SLC7A9: variants seen among roughly 807,000 people sequenced by gnomAD.
The protein encoded by SLC7A9 is B(0,+)-type amino acid transporter 1.
Under a neutral mutation model 54.1 loss-of-function variants are expected in SLC7A9, and 38 were observed. That is an observed-to-expected ratio of 0.70 (90% CI 0.54 to 0.92). SLC7A9 has a LOEUF of 0.92. Among genes scored for constraint, SLC7A9 ranks in the 40% least tolerant of loss-of-function variants. The pLI is 0.00. For missense variants in SLC7A9, 537 were observed against 636.1 expected (o/e 0.84, Z 1.68); for synonymous variants, 264 against 258.9 (o/e 1.02, Z -0.19).
intron 9 of SLC7A9, 62 bp from the exon 10 acceptor site, chr19:32,844,013 G>T: frequency 7.8e-7 from 1 of 1,278,692 alleles, no homozygotes; most frequent in Non-Finnish European, 1.1e-6. Context: ...CAGGGCCACT[G>T]AGGACTTGTG....
chr19:32,846,877 A>ACAGCCACTGCTGTTCTG (rs1276286378), intron 9 of SLC7A9, among the ~76,000 whole-genome samples: 4 of 152,242 alleles, frequency 2.6e-5, no homozygotes, highest in African/African-American at 4.8e-5. Context: ...CCGCTGTTCT[A>ACAGCCACTGCTGTTCTG]CAGCCACTGC....
intron 9 of SLC7A9, among the ~76,000 whole-genome samples, chr19:32,850,583 T>C (rs373168925): frequency 0.11 from 15,773 of 149,604 alleles, 957 homozygotes; most frequent in Middle Eastern, 0.15. Flanking sequence ...GAATCAATAT[T>C]GTGAAAATGG....
chr19:32,834,272 G>T (rs1568510376), intron 11 of SLC7A9, among the ~76,000 whole-genome samples: 1 of 152,300 alleles, frequency 6.6e-6, no homozygotes, highest in African/African-American at 2.4e-5. Context: ...AGAGCCAGAC[G>T]TGGGTTTTCA....
intron 1 of SLC7A9, 23 bp downstream of exon 1, chr19:32,869,663 T>G (rs1969080566): frequency 6.6e-6 from 1 of 152,302 alleles, no homozygotes; most frequent in Non-Finnish European, 1.5e-5. Flanking sequence ...TGAGCCTTTC[T>G]ATCACCTACT....
intron 11 of SLC7A9, among the ~76,000 whole-genome samples, chr19:32,833,713 C>G (rs559672262): frequency 6.6e-6 from 1 of 151,890 alleles, no homozygotes; most frequent in Non-Finnish European, 1.5e-5. Context: ...AGGAGAGTCG[C>G]TTGAACCCAG....
chr19:32,842,191 T>G lies in SLC7A9; in HGVS notation c.1201A>C (p.Lys401Gln). 6.2e-7 allele frequency: 1 copy of G among 1,614,176 alleles called. No individual in the cohort carries two copies. Among genetic ancestry groups the G allele is most frequent in the Non-Finnish European group, 8.5e-7 (1 of 1,180,036 alleles). The change falls in exon 11 of 13, where the codon AAA becomes CAA. Residue 401 changes from lysine to glutamine, a missense_variant. Physicochemically the swap from Lys to Gln is moderately conservative, Grantham distance 53 (BLOSUM62 1). Coordinates refer to ENST00000023064, the MANE Select transcript of SLC7A9 (RefSeq NM_014270.5). Reference protein sequence around the residue: ...LGLIVMRFTRKELERPIKVPV... With the variant: ...LGLIVMRFTRQELERPIKVPV... ...ACCTTGATAGGCCTTTCCAGCTCTT[T>G]CCTTGTAAATCTCATCACGATGAGT...
rs112204619 is a variant in SLC7A9, at chr19:32,846,780, G to C, written c.978-2829C>G. On this transcript the variant is annotated intron_variant, in intron 9 of 12. Transcript: ENST00000023064. ...GGGAGGCAACCCCCCAGTAGGGGCA[G>C]ACTGACACCTCACATGGCCGGGTAC... 9.8e-3 allele frequency among the ~76,000 whole-genome samples: 1,491 copies of C among 152,334 alleles called. 23 individuals are homozygous for C. Among genetic ancestry groups the C allele is most frequent in the African/African-American group, 0.034 (1,400 of 41,578 alleles).
chr19:32,861,381 C>A (rs141284147), intron 6 of SLC7A9, among the ~76,000 whole-genome samples: 2 of 151,858 alleles, frequency 1.3e-5, no homozygotes, highest in Non-Finnish European at 2.9e-5. Context: ...CCACTAAACT[C>A]GATAAATATA....
intron 7 of SLC7A9, 48 bp downstream of exon 7, chr19:32,860,558 G>A (rs1463951044): frequency 1.2e-6 from 2 of 1,613,930 alleles, no homozygotes; most frequent in South Asian, 2.2e-5. Flanking sequence ...CAGGAGAAGA[G>A]AAATCAGGCT....
intron 11 of SLC7A9, 55 bp downstream of exon 11, chr19:32,842,113 A>C: frequency 6.4e-7 from 1 of 1,563,786 alleles, no homozygotes; most frequent in Non-Finnish European, 8.8e-7. Flanking sequence ...AAAGAGTTAC[A>C]TCTAATTCAT....
chr19:32,855,523 C>T (rs1032365848), intron 9 of SLC7A9, among the ~76,000 whole-genome samples: 13 of 152,082 alleles, frequency 8.5e-5, no homozygotes, highest in Non-Finnish European at 1.8e-4. Flanking sequence ...CACGGTGAAA[C>T]CCCATCTCTA....
intron 9 of SLC7A9, among the ~76,000 whole-genome samples, chr19:32,847,488 AAAG>A (rs1968334291): frequency 6.6e-6 from 1 of 152,188 alleles, no homozygotes; most frequent in Non-Finnish European, 1.5e-5. Context: ...TTTAGAGAAA[AAAG>A]AATAAAAAGA....
At chr19:32,847,553 C>T (rs371782912) in intron 9 of SLC7A9, among the ~76,000 whole-genome samples, 1 of 152,166 alleles carries the variant, frequency 6.6e-6, no homozygotes, top group African/African-American at 2.4e-5. Context: ...ACCAAATCTA[C>T]GTCTGATTGG....
chr19:32,842,291 G>A lies in SLC7A9; in HGVS notation c.1101C>T (p.Ile367=). Residue 367 remains isoleucine, a synonymous_variant, in exon 11 of 13, where the codon ATC becomes ATT. Transcript: ENST00000023064. The stretch of plus-strand genomic sequence containing the variant: ...TGACTAACGAGTTTATGTCACCAGG[G>A]ATGATATAAATCGTTGCTATGATAC... ...FYGIIATIYI[I]PGDINSLVNY... is the part of the protein sequence containing the mutation. The A allele has an allele frequency of 1.2e-6, 2 of 1,613,970 alleles. No individual in the cohort carries two copies. Among genetic ancestry groups the A allele is most frequent in the Middle Eastern group, 1.6e-4 (1 of 6,062 alleles).
intron 12 of SLC7A9, chr19:32,832,755 TA>T (rs35120216): frequency 1.4e-4 from 33 of 231,452 alleles, no homozygotes; most frequent in East Asian, 4.2e-4. Context: ...CTACAAAAAG[TA>T]AAAAAAATAG....
chr19:32,842,462 A>G, intron 10 of SLC7A9, 145 bp from the exon 11 acceptor site: 1 of 771,768 alleles, frequency 1.3e-6, no homozygotes, highest in South Asian at 1.5e-5. Flanking sequence ...TTGGGGTTAA[A>G]CCTGACTTTG....
intron 9 of SLC7A9, among the ~76,000 whole-genome samples, chr19:32,846,385 C>G (rs1298836423): frequency 6.6e-6 from 1 of 152,234 alleles, no homozygotes; most frequent in Non-Finnish European, 1.5e-5. Flanking sequence ...GCACCTGGCT[C>G]GGAGGGTCCT....
chr19:32,853,805 T>G (rs1968536120), intron 9 of SLC7A9, among the ~76,000 whole-genome samples: 1 of 151,268 alleles, frequency 6.6e-6, no homozygotes, highest in Non-Finnish European at 1.5e-5. Flanking sequence ...TAATCCCAGC[T>G]ACTTGGGAGG....
chr19:32,835,226 G>A (rs1281515562), intron 11 of SLC7A9, among the ~76,000 whole-genome samples: 3 of 151,954 alleles, frequency 2.0e-5, no homozygotes, highest in East Asian at 1.9e-4. Flanking sequence ...TTTTTATATC[G>A]TTATTCCTAA....
Sources: allele counts gnomAD v4.1 joint callset (sites outside exome capture counted in the v4.1 genomes callset), GRCh38; gene constraint gnomAD v4.1.1; transcripts MANE v1.5; gene names NCBI Gene and HGNC (gene_info 2026-07-23, HGNC 2026-07-21).